MCC: variants seen among roughly 807,000 people sequenced by gnomAD.
MCC encodes colorectal mutant cancer protein.
A neutral mutation model predicts 116.2 loss-of-function variants in MCC; 90 were observed. The observed-to-expected ratio is 0.77, with a 90% CI of 0.65 to 0.92. MCC has a LOEUF of 0.92. MCC is among the 40% of genes least tolerant of loss of function. The pLI, the probability that MCC is intolerant of heterozygous loss-of-function variation, is 0.00. For missense variants in MCC, 1,516 were observed against 1,312.2 expected, an observed-to-expected ratio of 1.16 and a Z score of -2.40; for synonymous variants, 578 against 510.5, an observed-to-expected ratio of 1.13 and a Z score of -1.78.
intron 11 of MCC, among the ~76,000 whole-genome samples, chr5:113,074,174 T>C (rs151143044): frequency 1.1e-3 from 172 of 152,296 alleles, no homozygotes; most frequent in African/African-American, 4.0e-3. Flanking sequence ...GCCCCTTTGA[T>C]ACGAAGCTTC....
In MCC at chr5:113,191,740, C is replaced by T. The variant is rs184381042; in HGVS notation, c.628-40318G>A. Among the ~76,000 whole-genome samples the T allele has an allele frequency of 2.1e-4, 32 of 152,266 alleles. No homozygotes were observed. In the East Asian group the frequency reaches 2.7e-3, roughly 13 times the overall value. On this transcript the variant is annotated intron_variant, in intron 3 of 18. Transcript: ENST00000408903. ...CTTTTTTCTAGGACAGTTAAAATGA[C>T]GCAATTGATTATAGAACAGCGATGA...
At chr5:113,293,948 T>G (rs1745599747) in intron 3 of MCC, among the ~76,000 whole-genome samples, 1 of 152,000 alleles carries the variant, frequency 6.6e-6, no homozygotes, top group African/African-American at 2.4e-5. Context: ...TTAGTTACCG[T>G]CGGCTTAAAC....
At chr5:113,328,529 A>G (rs934265029) in intron 3 of MCC, among the ~76,000 whole-genome samples, 3 of 152,206 alleles carry the variant, frequency 2.0e-5, no homozygotes, top group Non-Finnish European at 4.4e-5. Flanking sequence ...AACAACCTCC[A>G]GCATTCTCGG....
chr5:113,315,705 A>C (rs1767262329), intron 3 of MCC, among the ~76,000 whole-genome samples: 1 of 35,400 alleles, frequency 2.8e-5, no homozygotes, highest in African/African-American at 4.1e-4. Context: ...CCATCTCTAC[A>C]AAAAAAAAAA....
chr5:113,224,915 TG>T (rs752018499), intron 3 of MCC, among the ~76,000 whole-genome samples: 3 of 152,110 alleles, frequency 2.0e-5, no homozygotes, highest in Non-Finnish European at 4.4e-5. Context: ...GAACAGAAGG[TG>T]GTATGTGGAC....
intron 3 of MCC, among the ~76,000 whole-genome samples, chr5:113,259,980 G>T (rs1300092137): frequency 6.6e-6 from 1 of 151,928 alleles, no homozygotes; most frequent in African/African-American, 2.4e-5. Context: ...ACTACAAAAT[G>T]ACTCTAGAAA....
chr5:113,073,752 G>A (rs904802787), intron 11 of MCC, among the ~76,000 whole-genome samples: 8 of 151,972 alleles, frequency 5.3e-5, no homozygotes, highest in African/African-American at 1.9e-4. Context: ...CTTCTCTGGG[G>A]TCCCACGCCC....
At chr5:113,291,273 C>T (rs1416472270) in intron 3 of MCC, among the ~76,000 whole-genome samples, 1 of 152,150 alleles carries the variant, frequency 6.6e-6, no homozygotes, top group Non-Finnish European at 1.5e-5. Flanking sequence ...TCCCTAGTAT[C>T]CAAGCATTCC....
intron 3 of MCC, among the ~76,000 whole-genome samples, chr5:113,174,892 A>C (rs1436984557): frequency 6.6e-6 from 1 of 152,086 alleles, no homozygotes; most frequent in Non-Finnish European, 1.5e-5. Context: ...CCCAGATGAC[A>C]GATTTTTTTT....
At position 113,090,045 on chromosome 5, in the gene MCC, T is replaced by C. The variant is rs554771125; in HGVS notation, c.1399-4735A>G. ...AGATGTAAGTCTGAAGGAAAGCAAT[T>C]AGAACTGGATAGATAGATTTAGGAA... On this transcript the variant is annotated intron_variant, in intron 8 of 18. Coordinates refer to ENST00000408903, the MANE Select transcript of MCC (RefSeq NM_001085377.2). Among the ~76,000 whole-genome samples the C allele has an allele frequency of 3.3e-5, 5 of 152,148 alleles. No homozygotes were observed. The South Asian group carries it at 8.3e-4, about 25-fold the overall frequency.
intron 3 of MCC, among the ~76,000 whole-genome samples, chr5:113,170,003 CATG>C (rs1760990689): frequency 6.6e-6 from 1 of 152,198 alleles, no homozygotes; most frequent in African/African-American, 2.4e-5. Context: ...ATGGCAAGTA[CATG>C]ATACCTCAGC....
Position 113,066,869 on chromosome 5 carries a change from C to G in MCC, c.2029+1211G>C, listed in dbSNP as rs537851522. On this transcript the variant is annotated intron_variant, in intron 13 of 18. Coordinates refer to ENST00000408903, the MANE Select transcript of MCC (RefSeq NM_001085377.2). ...GGAATGCCTGGCCTGCCCACACCATCCATCTTTGGCTCTGGAGAGACCTGG... is the reference window on the plus strand; with the variant it reads ...GGAATGCCTGGCCTGCCCACACCATGCATCTTTGGCTCTGGAGAGACCTGG... 5.9e-5 allele frequency among the ~76,000 whole-genome samples: 9 copies of G among 152,344 alleles called. No individual in the cohort carries two copies. In the East Asian group the frequency reaches 1.7e-3, roughly 29 times the overall value.
chr5:113,484,174 C>A (rs1772454592), intron 1 of MCC, among the ~76,000 whole-genome samples: 1 of 152,078 alleles, frequency 6.6e-6, no homozygotes, highest in Non-Finnish European at 1.5e-5. Context: ...GTACCCATAA[C>A]TAATGGGTAC....
chr5:113,080,829 A>G lies in MCC; in HGVS notation c.1784+2031T>C, dbSNP rs538370129. 7.3e-3 allele frequency among the ~76,000 whole-genome samples: 753 copies of G among 102,782 alleles called. 10 individuals are homozygous for G. Among genetic ancestry groups the G allele is most frequent in the Non-Finnish European group, 8.3e-3 (463 of 56,020 alleles). 67.4% of individuals were successfully genotyped at this position (102,782 alleles called of 152,430 possible). On this transcript the variant is annotated intron_variant, in intron 11 of 18. Transcript: ENST00000408903. ...AACAACAACAACAAAAAAAAAAAAG[A>G]AAAGAAAAAAGAAAAATCACCCCTC...
chr5:113,073,315 T>C (rs1754174408), intron 11 of MCC, among the ~76,000 whole-genome samples: 1 of 152,202 alleles, frequency 6.6e-6, no homozygotes, highest in South Asian at 2.1e-4. Context: ...CCTGGCCCCA[T>C]CCTGCCAGAG....
At chr5:113,444,974 T>C (rs548690409) in intron 1 of MCC, among the ~76,000 whole-genome samples, 1 of 152,198 alleles carries the variant, frequency 6.6e-6, no homozygotes, top group East Asian at 1.9e-4. Context: ...AGGGCAGAGC[T>C]AGTAAAGGGC....
At chr5:113,289,759 T>TC in intron 3 of MCC, among the ~76,000 whole-genome samples, 1 of 152,268 alleles carries the variant, frequency 6.6e-6, no homozygotes, top group African/African-American at 2.4e-5. Context: ...ACACAAGTCT[T>TC]CCCCCTGAAC....
At chr5:113,050,434 A>C (rs992263781) in intron 15 of MCC, among the ~76,000 whole-genome samples, 1 of 151,858 alleles carries the variant, frequency 6.6e-6, no homozygotes, top group Non-Finnish European at 1.5e-5. Context: ...GGCCTGGTGC[A>C]CTCTCCTGGG....
intron 3 of MCC, 83 bp from the exon 4 acceptor site, chr5:113,151,505 A>T (rs1159643519): frequency 2.8e-6 from 2 of 718,866 alleles, no homozygotes; most frequent in East Asian, 5.5e-5. Context: ...AGTATAACCA[A>T]ATAAAAAGCC....
Sources: allele counts gnomAD v4.1 joint callset (sites outside exome capture counted in the v4.1 genomes callset), GRCh38; gene constraint gnomAD v4.1.1; transcripts MANE v1.5; gene names NCBI Gene and HGNC (gene_info 2026-07-23, HGNC 2026-07-21).